PPM1A: variants seen among roughly 807,000 people sequenced by gnomAD.
PPM1A encodes the protein protein phosphatase 1A.
A neutral mutation model predicts 35.0 loss-of-function variants in PPM1A; 7 were observed. That is an observed-to-expected ratio of 0.20 (90% CI 0.11 to 0.38). The LOEUF is 0.38. Ranked by LOEUF, PPM1A falls within the 10% of genes least tolerant of loss-of-function variation. The pLI, the probability that PPM1A is intolerant of heterozygous loss-of-function variation, is 1.00. For synonymous variants in PPM1A, 153 were observed against 167.3 expected (o/e 0.91, Z 0.66); for missense variants, 239 against 467.8 (o/e 0.51, Z 4.51).
At chr14:60,281,278 G>A (rs142943327) in intron 1 of PPM1A, among the ~76,000 whole-genome samples, 5 of 152,220 alleles carry the variant, frequency 3.3e-5, no homozygotes, top group East Asian at 1.9e-4. Flanking sequence ...CTTACCTTTC[G>A]TTAGTTGAAC....
In PPM1A at chr14:60,282,478, T is replaced by C. The variant is rs1886520424; in HGVS notation, c.-20-206T>C. The stretch of plus-strand genomic sequence containing the variant: ...CCAATGCTTTAGTTTTTTTCTGCCT[T>C]TTTGTCTGTTGTGATCTGTGCTTCA... On this transcript the variant is annotated intron_variant, in intron 1 of 5. Transcript: ENST00000395076. The surrounding 1 kb of genome is among the most constrained non-coding windows in gnomAD (Gnocchi z 5.1). Among the ~76,000 whole-genome samples the C allele has an allele frequency of 2.0e-5, 3 of 152,216 alleles. No homozygotes were observed. The highest frequency in any genetic ancestry group is 6.5e-5 in the Admixed American group (1 of 15,282).
chr14:60,277,627 A>G (rs1168382944), intron 1 of PPM1A, among the ~76,000 whole-genome samples: 1 of 152,166 alleles, frequency 6.6e-6, no homozygotes, highest in Non-Finnish European at 1.5e-5. Context: ...GTGTATCTGG[A>G]AAATAACTAC....
At chr14:60,255,065 T>A (rs1882894779) in intron 1 of PPM1A, among the ~76,000 whole-genome samples, 1 of 152,166 alleles carries the variant, frequency 6.6e-6, no homozygotes, top group Admixed American at 6.5e-5. Context: ...TTTCTAATAT[T>A]TCTTCTTCCA....
At chr14:60,246,073 A>T (rs1291998205), upstream of PPM1A, 12 of 1,539,276 alleles carry the variant, frequency 7.8e-6, no homozygotes, top group Non-Finnish European at 1.0e-5. Flanking sequence ...GAATTGTTGA[A>T]CCTATGTTCT....
chr14:60,254,534 T>C (rs1882823046), intron 1 of PPM1A, among the ~76,000 whole-genome samples: 2 of 152,204 alleles, frequency 1.3e-5, no homozygotes, highest in South Asian at 4.1e-4. Flanking sequence ...CAGGAAAGGA[T>C]GCAAAAGAGT....
At chr14:60,271,428 A>C (rs897987369) in intron 1 of PPM1A, among the ~76,000 whole-genome samples, 1 of 152,142 alleles carries the variant, frequency 6.6e-6, no homozygotes, top group African/African-American at 2.4e-5. Flanking sequence ...TTGTTTTGCT[A>C]CTTTAGAGTG....
intron 1 of PPM1A, among the ~76,000 whole-genome samples, chr14:60,250,935 A>G (rs951481915): frequency 6.6e-6 from 1 of 152,212 alleles, no homozygotes; most frequent in Non-Finnish European, 1.5e-5. Context: ...GGCCTTTTCC[A>G]AAGATTGTAT....
chr14:60,279,369 A>G (rs536509762), intron 1 of PPM1A, among the ~76,000 whole-genome samples: 64 of 152,134 alleles, frequency 4.2e-4, no homozygotes, highest in Middle Eastern at 6.8e-3. Flanking sequence ...CACCCACCTC[A>G]GCCTCCCAAA....
rs1882067548 is a variant in PPM1A at position 60,249,569 on chromosome 14, G to A, written c.-129G>A. 2 of 986,308 alleles carry A rather than the reference G, an allele frequency of 2.0e-6. No individual in the cohort carries two copies. The highest frequency in any genetic ancestry group is 9.0e-5 in the South Asian group (2 of 22,100). 61.1% of individuals were successfully genotyped at this position (986,308 alleles called of 1,614,324 possible). ...GCCTGACCTGGCCCGCCGCTGCAGCGGTGACCCCTCCCCCGGCTGCCGCCG... is the reference window on the plus strand; with the variant it reads ...GCCTGACCTGGCCCGCCGCTGCAGCAGTGACCCCTCCCCCGGCTGCCGCCG... On this transcript the variant is annotated 5_prime_UTR_variant, in exon 1 of 6. Coordinates refer to ENST00000395076, the MANE Select transcript of PPM1A (RefSeq NM_021003.5). This position sits in a 1 kb window ranked among gnomAD's most constrained non-coding sequence, Gnocchi z 4.5.
rs1885394016 is a variant in PPM1A at position 60,273,403 on chromosome 14, C to G, written c.-20-9281C>G. On this transcript the variant is annotated intron_variant, in intron 1 of 5. Transcript: ENST00000395076. This position sits in a 1 kb window ranked among gnomAD's most constrained non-coding sequence, Gnocchi z 4.3. ...TGAGTACTAGGTACTGTAAGAAAACCCTTGTGGTTGGAGTAGAGAATGTAG... is the reference window on the plus strand; with the variant it reads ...TGAGTACTAGGTACTGTAAGAAAACGCTTGTGGTTGGAGTAGAGAATGTAG... Among the ~76,000 whole-genome samples, 1 of 151,992 alleles carries G rather than the reference C, an allele frequency of 6.6e-6. No individual in the cohort carries two copies. The highest frequency in any genetic ancestry group is 1.9e-4 in the East Asian group (1 of 5,170).
At chr14:60,256,986 T>C (rs1313553544) in intron 1 of PPM1A, 1 of 152,198 alleles carries the variant, frequency 6.6e-6, no homozygotes, top group Non-Finnish European at 1.5e-5. Flanking sequence ...TGGCAGTGTA[T>C]ACTAAGTTTG....
At chr14:60,274,235 T>C (rs1158985245) in intron 1 of PPM1A, among the ~76,000 whole-genome samples, 2 of 152,162 alleles carry the variant, frequency 1.3e-5, no homozygotes, top group Non-Finnish European at 2.9e-5. Context: ...GGGAGTGTTA[T>C]AGTTGAATGC....
intron 1 of PPM1A, among the ~76,000 whole-genome samples, chr14:60,262,446 A>T (rs1011606982): frequency 3.3e-5 from 5 of 152,160 alleles, no homozygotes; most frequent in African/African-American, 9.7e-5. Context: ...CATTTTGGGA[A>T]GCCGAGGCGG....
At chr14:60,245,768 GGGGA>G (rs1203903984), upstream of PPM1A, 2 of 1,278,016 alleles carry the variant, frequency 1.6e-6, no homozygotes, top group Non-Finnish European at 2.1e-6. The surrounding 1 kb of genome is among the most constrained non-coding windows in gnomAD (Gnocchi z 4.2). Flanking sequence ...TTATGATGTA[GGGGA>G]GGGAGGAAGG....
chr14:60,285,858 A>G (rs1428644630), intron 3 of PPM1A, 117 bp downstream of exon 3: 4 of 1,462,994 alleles, frequency 2.7e-6, no homozygotes, highest in Admixed American at 5.3e-5. Flanking sequence ...TGTCTAGTGT[A>G]TGAAAGTGGA....
At chr14:60,284,683 GTA>G (rs370462212) in intron 2 of PPM1A, among the ~76,000 whole-genome samples, 152 of 132,448 alleles carry the variant, frequency 1.1e-3, no homozygotes, top group East Asian at 6.4e-3. Context: ...ATGAGCGTAT[GTA>G]TATATATATA....
chr14:60,264,216 T>G (rs1200539407), intron 1 of PPM1A, among the ~76,000 whole-genome samples: 1 of 152,160 alleles, frequency 6.6e-6, no homozygotes, highest in African/African-American at 2.4e-5. Context: ...GTTGATAGGT[T>G]TCCTCCCATC....
chr14:60,269,390 G>A (rs138152717), intron 1 of PPM1A, among the ~76,000 whole-genome samples: 7 of 151,934 alleles, frequency 4.6e-5, no homozygotes, highest in African/African-American at 7.3e-5. Flanking sequence ...TTCTTATTGC[G>A]TTTACATATA....
intron 3 of PPM1A, chr14:60,286,052 G>T: frequency 1.7e-5 from 17 of 1,016,602 alleles, no homozygotes; most frequent in Non-Finnish European, 2.0e-5. Context: ...ATTTTATGCC[G>T]GGAAAATCTG....
Sources: gnomAD v4.1 joint callset for allele counts (sites outside exome capture counted in the v4.1 genomes callset) on GRCh38, gnomAD v4.1.1 for gene constraint, Gnocchi (gnomAD v3.1) non-coding constraint, MANE v1.5 for transcripts, NCBI Gene and HGNC (gene_info 2026-07-23, HGNC 2026-07-21) for gene names.